Variants in KIR3DL3 observed in about 807,000 individuals in gnomAD.
The protein encoded by KIR3DL3 is killer cell immunoglobulin-like receptor 3DL3.
A neutral mutation model predicts 34.9 loss-of-function variants in KIR3DL3; 27 were observed. That is an observed-to-expected ratio of 0.77 (90% CI 0.57 to 1.07). KIR3DL3 has a LOEUF of 1.07. Among genes scored for constraint, KIR3DL3 ranks in the 50% least tolerant of loss-of-function variants. KIR3DL3 has a pLI of 0.00. For missense variants in KIR3DL3, 681 were observed against 528.5 expected, an observed-to-expected ratio of 1.29 and a Z score of -2.83; for synonymous variants, 217 against 200.2, an observed-to-expected ratio of 1.08 and a Z score of -0.71.
At position 54,735,298 on chromosome 19, in the gene KIR3DL3, TC is replaced by T. The variant is rs1276284591; in HGVS notation, c.996del (p.Ile333SerfsTer23). On this transcript the variant is annotated frameshift_variant, in exon 6 of 8. Transcript: ENST00000291860. LOFTEE classifies it high-confidence loss of function. ...GTTCTGATTGGGACCTCAGTGGTCA[TC>T]ATCCCCTTTGCTATCCTCCTCTTCT... ...LHVLIGTSVV[I>X]IPFAILLFFL... 7 of 1,506,544 alleles carry T rather than the reference TC, an allele frequency of 4.6e-6. No homozygotes were observed. Among genetic ancestry groups the T allele is most frequent in the Non-Finnish European group, 5.5e-6 (6 of 1,088,346 alleles). The allele number at this position is 1,506,544 out of a possible 1,614,324, so 93.3% of individuals were successfully genotyped here. A position where few individuals can be genotyped will look rare whatever the true frequency, so the allele number is the denominator to read the frequency against.
chr19:54,736,224 T>A lies in KIR3DL3; in HGVS notation c.*128T>A. The A allele has an allele frequency of 7.8e-7, 1 of 1,287,964 alleles. No individual in the cohort carries two copies. The highest frequency in any genetic ancestry group is 1.1e-6 in the Non-Finnish European group (1 of 894,654). 79.8% of individuals were successfully genotyped at this position (1,287,964 alleles called of 1,614,324 possible). ...CTCAAAACCGGGTTGCCAGCTCCCA[T>A]GTACCAGCAGCTGGACTCTGAAGGC... On this transcript the variant is annotated 3_prime_UTR_variant, in exon 8 of 8. Transcript: ENST00000291860.
At chr19:54,728,419 AG>A (rs1330919339) in intron 4 of KIR3DL3, among the ~76,000 whole-genome samples, 1 of 148,052 alleles carries the variant, frequency 6.8e-6, no homozygotes, top group Non-Finnish European at 1.5e-5. Flanking sequence ...CCATGGCCCC[AG>A]GTGAGGGAGC....
At position 54,726,235 on chromosome 19, in the gene KIR3DL3, G is replaced by T. The variant is rs2068161515; in HGVS notation, c.253G>T (p.Val85Leu). The change falls in exon 3 of 8, where the codon GTG becomes TTG. Residue 85 changes from valine (V) to leucine (L), a missense_variant. Physicochemically the swap from Val to Leu is conservative, Grantham distance 32. Coordinates refer to ENST00000291860, the MANE Select transcript of KIR3DL3 (RefSeq NM_153443.5). The part of the protein sequence containing the change: ...IFRNSFLMGP[V>L]TPAHAGTYRC... ...CCGGAACAGCTTTCTCATGGGCCCT[G>T]TGACCCCAGCACATGCAGGGACCTA... The T allele has an allele frequency of 1.2e-6, 2 of 1,613,802 alleles. No homozygotes were observed. The highest frequency in any genetic ancestry group is 2.7e-5 in the African/African-American group (2 of 74,820).
rs1164344267 is a variant in KIR3DL3 at position 54,735,820 on chromosome 19, A to T, written c.1055A>T (p.Asn352Ile). ...TTTTGACGACTTCCGTCTTCTACAG[A>T]TGCTGTTGTAATGGACCAAGAGCCT... Reference protein sequence around the residue: ...LLHRWCANKKNAVVMDQEPAG... With the variant: ...LLHRWCANKKIAVVMDQEPAG... Residue 352 changes from asparagine to isoleucine, a missense_variant and splice_region_variant, in exon 7 of 8, where the codon AAT becomes ATT. Asn to Ile is a moderately radical substitution (Grantham distance 149, BLOSUM62 -3). Coordinates refer to ENST00000291860, the MANE Select transcript of KIR3DL3 (RefSeq NM_153443.5). 4.4e-5 allele frequency: 71 copies of T among 1,607,938 alleles called. No homozygotes were observed. The highest frequency in any genetic ancestry group is 5.9e-5 in the Non-Finnish European group (69 of 1,178,378).
rs531250098 is a variant in KIR3DL3, at chr19:54,725,301, C to T, written c.70+19C>T. The stretch of plus-strand genomic sequence containing the variant: ...CATGTGGGTGAGTCCTTCCCCCAAA[C>T]CTTAGGTTGTCATCTCCCCACATAA... On this transcript the variant is annotated intron_variant, in intron 2 of 7. Transcript: ENST00000291860. 1.9e-6 allele frequency: 3 copies of T among 1,553,052 alleles called. No homozygotes were observed. The highest frequency in any genetic ancestry group is 1.7e-6 in the Non-Finnish European group (2 of 1,148,722).
At chr19:54,731,127 C>T (rs113673738) in intron 5 of KIR3DL3, among the ~76,000 whole-genome samples, 19 of 152,064 alleles carry the variant, frequency 1.2e-4, no homozygotes, top group African/African-American at 4.6e-4. Flanking sequence ...CAGCCTCAGC[C>T]TCCCAAGTAG....
rs2069370791 is a variant in KIR3DL3, at chr19:54,735,285, A to C, written c.982A>C (p.Thr328Pro). The part of the protein sequence containing the change: ...NSRNLHVLIG[T>P]SVVIIPFAIL... ...CAGAAACCTGCACGTTCTGATTGGGACCTCAGTGGTCATCATCCCCTTTGC... is the reference window on the plus strand; with the variant it reads ...CAGAAACCTGCACGTTCTGATTGGGCCCTCAGTGGTCATCATCCCCTTTGC... Residue 328 changes from threonine (T) to proline (P), a missense_variant, in exon 6 of 8, where the codon ACC becomes CCC. Transcript: ENST00000291860. 1 of 1,528,088 alleles carries C rather than the reference A, an allele frequency of 6.5e-7. No homozygotes were observed. Among genetic ancestry groups the C allele is most frequent in the East Asian group, 2.2e-5 (1 of 44,594 alleles). The allele number at this position is 1,528,088 out of a possible 1,614,324, so 94.7% of individuals were successfully genotyped here.
At chr19:54,727,083 T>G (rs1432214505) in intron 3 of KIR3DL3, among the ~76,000 whole-genome samples, 1 of 135,226 alleles carries the variant, frequency 7.4e-6, no homozygotes, top group African/African-American at 2.8e-5. Flanking sequence ...TCGATCCACA[T>G]AGGGAGGGGT....
chr19:54,732,281 C>T lies in KIR3DL3; in HGVS notation c.949+2495C>T, dbSNP rs1480343759. The stretch of plus-strand genomic sequence containing the variant: ...TTCTTTTTTTTTTTGAGTAGAGTCT[C>T]TCTCTGTTCCACAGGCTGGAGTGCA... On this transcript the variant is annotated intron_variant, in intron 5 of 7. Coordinates refer to ENST00000291860, the MANE Select transcript of KIR3DL3 (RefSeq NM_153443.5). Among the ~76,000 whole-genome samples, 7 of 149,086 alleles carry T rather than the reference C, an allele frequency of 4.7e-5. No homozygotes were observed. In the East Asian group the frequency reaches 1.4e-3, roughly 29 times the overall value.
chr19:54,725,332 T>A (rs766419455), intron 2 of KIR3DL3, 50 bp downstream of exon 2: 1 of 1,429,978 alleles, frequency 7.0e-7, no homozygotes, highest in East Asian at 2.3e-5. Flanking sequence ...CATAAGATGA[T>A]GCTCCTGAAA....
intron 3 of KIR3DL3, among the ~76,000 whole-genome samples, chr19:54,727,399 G>T (rs2068303188): frequency 7.4e-6 from 1 of 134,998 alleles, no homozygotes; most frequent in Non-Finnish European, 1.6e-5. Context: ...CAGTGGGAAG[G>T]GAATCAGGGC....
In KIR3DL3 at chr19:54,725,759, G is replaced by A. The variant is rs2068091576; in HGVS notation, c.71-294G>A. Among the ~76,000 whole-genome samples, 6 of 152,234 alleles carry A rather than the reference G, an allele frequency of 3.9e-5. No individual in the cohort carries two copies. The South Asian group carries it at 1.2e-3, about 32-fold the overall frequency. On this transcript the variant is annotated intron_variant, in intron 2 of 7. Transcript: ENST00000291860. ...GGCTCAGTTGTTTATTATGGTTCAT[G>A]CATTAGCTGATCATGCCCTCCATCC...
At position 54,729,536 on chromosome 19, in the gene KIR3DL3, G is replaced by A. The variant is rs112156439; in HGVS notation, c.699G>A (p.Thr233=). The A allele has an allele frequency of 2.7e-3, 4,279 of 1,606,142 alleles. 104 individuals are homozygous for A. The African/African-American group carries it at 0.051, about 19-fold the overall frequency. ...CTCTCTCAGCCCAGCCGGGCCCCAC[G>A]GTTCAGGCAGGAGAGAATGTGACCT... The part of the protein sequence containing the change: ...KPSLSAQPGP[T]VQAGENVTLS... The change falls in exon 5 of 8, where the codon ACG becomes ACA. Residue 233 remains threonine, a synonymous_variant. Transcript: ENST00000291860.
At chr19:54,725,208 A>T in intron 1 of KIR3DL3, 39 bp from the exon 2 acceptor site, 1 of 1,557,236 alleles carries the variant, frequency 6.4e-7, no homozygotes, top group South Asian at 1.2e-5. Flanking sequence ...CCTGGAGGTG[A>T]TGTACAGATG....
intron 5 of KIR3DL3, among the ~76,000 whole-genome samples, chr19:54,730,549 G>A (rs1169955194): frequency 1.3e-5 from 2 of 151,414 alleles, no homozygotes; most frequent in Non-Finnish European, 2.9e-5. Context: ...ACTGCAGCCT[G>A]GGCAACAGAG....
At chr19:54,727,450 T>C (rs1361446050) in intron 3 of KIR3DL3, among the ~76,000 whole-genome samples, 161 bp from the exon 4 acceptor site, 2 of 132,922 alleles carry the variant, frequency 1.5e-5, no homozygotes, top group East Asian at 4.9e-4. Context: ...GGGAGACAGA[T>C]GGAGGGACCT....
Position 54,727,856 on chromosome 19 carries a change from C to T in KIR3DL3, c.601C>T (p.His201Tyr), listed in dbSNP as rs1342565430. Reference sequence around the variant, plus strand: ...CTACAGATGCTTTGGTTCTGTCACTCACTTACCCTATGAGTTGTCGGCTCC... The same window carrying T: ...CTACAGATGCTTTGGTTCTGTCACTTACTTACCCTATGAGTTGTCGGCTCC... ...GTYRCFGSVT[H>Y]LPYELSAPSD... Residue 201 changes from histidine to tyrosine, a missense_variant, in exon 4 of 8, where the codon CAC (histidine) becomes TAC (tyrosine). Transcript: ENST00000291860. 1 of 1,614,080 alleles carries T rather than the reference C, an allele frequency of 6.2e-7. No individual in the cohort carries two copies. Among genetic ancestry groups the T allele is most frequent in the Non-Finnish European group, 8.5e-7 (1 of 1,179,992 alleles).
At position 54,729,732 on chromosome 19, in the gene KIR3DL3, G is replaced by T; in HGVS notation, c.895G>T (p.Ala299Ser). Residue 299 changes from alanine to serine, a missense_variant, in exon 5 of 8, where the codon GCC (alanine) becomes TCC (serine). Ala to Ser is a moderately conservative substitution (Grantham distance 99). Transcript: ENST00000291860. ...CTACAGATGCTTCGGCTCTTTCCGT[G>T]CCCTGCCCCATGCGTGGTCAGACCC... is the stretch of plus-strand genomic sequence containing the variant. ...GNYRCFGSFR[A>S]LPHAWSDPSD... 6.3e-7 allele frequency: 1 copy of T among 1,590,920 alleles called. No homozygotes were observed.
At chr19:54,727,552 G>T in intron 3 of KIR3DL3, 59 bp from the exon 4 acceptor site, 1 of 1,501,848 alleles carries the variant, frequency 6.7e-7, no homozygotes, top group Non-Finnish European at 9.1e-7. Context: ...CTTATTTCAG[G>T]TCCCATGAAT....
Sources: allele counts gnomAD v4.1 joint callset (sites outside exome capture counted in the v4.1 genomes callset), GRCh38; gene constraint gnomAD v4.1.1; transcripts MANE v1.5; gene names NCBI Gene and HGNC (gene_info 2026-07-23, HGNC 2026-07-21).